The following GBF1 variants were observed in gnomAD, a reference collection of about 807,000 sequenced individuals.
GBF1 encodes the protein golgi brefeldin A resistant guanine nucleotide exchange factor 1.
A neutral mutation model predicts 210.5 loss-of-function variants in GBF1; 114 were observed. The ratio of observed to expected loss-of-function variants is 0.54; its 90% CI spans 0.47 to 0.63. GBF1 has a LOEUF of 0.63. GBF1 is among the 30% of genes least tolerant of loss of function. The pLI is 0.00. For synonymous variants in GBF1, 850 were observed against 889.2 expected, an observed-to-expected ratio of 0.96 and a Z score of 0.78; for missense variants, 1,851 against 2,357.7, an observed-to-expected ratio of 0.79 and a Z score of 4.45.
chr10:102,248,320 TTAAC>T (rs376599791), intron 1 of GBF1, among the ~76,000 whole-genome samples: 30 of 152,280 alleles, frequency 2.0e-4, no homozygotes, highest in African/African-American at 6.5e-4. Context: ...CTGCAGTTGT[TTAAC>T]TAAATGAAAA....
chr10:102,272,705 G>A (rs888691888), intron 3 of GBF1, among the ~76,000 whole-genome samples: 5 of 152,098 alleles, frequency 3.3e-5, no homozygotes, highest in Non-Finnish European at 7.3e-5. Flanking sequence ...TCAACTGGAG[G>A]ATAAACCAAT....
intron 3 of GBF1, among the ~76,000 whole-genome samples, chr10:102,320,107 C>A (rs988969822): frequency 1.3e-5 from 2 of 152,000 alleles, no homozygotes; most frequent in African/African-American, 2.4e-5. Flanking sequence ...GGAAAGGACA[C>A]CTGGGGATGT....
At chr10:102,298,000 T>C (rs2077043185) in intron 3 of GBF1, among the ~76,000 whole-genome samples, 1 of 152,140 alleles carries the variant, frequency 6.6e-6, no homozygotes, top group South Asian at 2.1e-4. Context: ...AGTGGTGCAA[T>C]CTCAGCTCAC....
chr10:102,260,892 T>G (rs989949921), intron 3 of GBF1, among the ~76,000 whole-genome samples: 16 of 152,320 alleles, frequency 1.1e-4, no homozygotes, highest in African/African-American at 3.4e-4. Context: ...TCTTCATGTG[T>G]TCTAGAATCA....
At chr10:102,255,839 G>A (rs560385235) in intron 1 of GBF1, among the ~76,000 whole-genome samples, 1 of 152,318 alleles carries the variant, frequency 6.6e-6, no homozygotes, top group South Asian at 2.1e-4. Context: ...TAGAGCATTT[G>A]GAAAGCAGAT....
intron 1 of GBF1, among the ~76,000 whole-genome samples, chr10:102,248,558 C>A (rs2071116936): frequency 6.6e-6 from 1 of 152,000 alleles, no homozygotes; most frequent in Non-Finnish European, 1.5e-5. Flanking sequence ...TTAATTGAGT[C>A]CCATGGGAAT....
At chr10:102,247,697 A>G (rs559880032) in intron 1 of GBF1, among the ~76,000 whole-genome samples, 3 of 152,076 alleles carry the variant, frequency 2.0e-5, no homozygotes, top group Non-Finnish European at 2.9e-5. Flanking sequence ...AATTTTCTAG[A>G]TAGGAATAAT....
intron 29 of GBF1, among the ~76,000 whole-genome samples, chr10:102,372,920 C>T (rs2060289119): frequency 6.6e-6 from 1 of 152,168 alleles, no homozygotes; most frequent in African/African-American, 2.4e-5. Context: ...CTGGATGGAA[C>T]AGATCCGGGG....
At chr10:102,236,762 A>G in the GBF1 span, among the ~76,000 whole-genome samples, 63 of 152,336 alleles carry the variant, frequency 4.1e-4, 1 homozygote, top group South Asian at 4.1e-4. Flanking sequence ...CGGTTGCAAT[A>G]ATAATGCCTG....
chr10:102,367,237 AG>A (rs779264690), intron 20 of GBF1, 27 bp downstream of exon 20: 1 of 1,611,446 alleles, frequency 6.2e-7, no homozygotes, highest in Admixed American at 1.7e-5. Flanking sequence ...GTCAAGGCAA[AG>A]AAGACCCAGC....
chr10:102,319,087 G>A (rs2056133562), intron 3 of GBF1, among the ~76,000 whole-genome samples: 2 of 152,168 alleles, frequency 1.3e-5, no homozygotes, highest in Admixed American at 6.5e-5. Flanking sequence ...GGAGGCTAAG[G>A]CAGATGGATC....
chr10:102,305,582 G>T (rs1041100719), intron 3 of GBF1, among the ~76,000 whole-genome samples: 2 of 151,846 alleles, frequency 1.3e-5, no homozygotes, highest in African/African-American at 4.8e-5. Context: ...TGCACTCCAG[G>T]CTGGGCAACA....
intron 33 of GBF1, among the ~76,000 whole-genome samples, chr10:102,378,762 C>T (rs2060661830): frequency 6.6e-6 from 1 of 152,052 alleles, no homozygotes; most frequent in Non-Finnish European, 1.5e-5. Context: ...GGCAAAACCC[C>T]ATCTCTACAA....
In GBF1 at chr10:102,352,452, G is replaced by A. The variant is rs370884408; in HGVS notation, c.524-6G>A. 26 of 1,600,632 alleles carry A rather than the reference G, an allele frequency of 1.6e-5. No homozygotes were observed. Among genetic ancestry groups the A allele is most frequent in the East Asian group, 1.1e-4 (5 of 44,832 alleles). On this transcript the variant is annotated splice_region_variant and splice_polypyrimidine_tract_variant and intron_variant, in intron 6 of 39. Coordinates refer to ENST00000369983, the MANE Select transcript of GBF1 (RefSeq NM_001377137.1). Reference sequence around the variant, plus strand: ...ACACCTGTGTTATTTGTTTTTGCCTGTGCAGAGTTATTGAGAAAATCCGCA... The same window carrying A: ...ACACCTGTGTTATTTGTTTTTGCCTATGCAGAGTTATTGAGAAAATCCGCA...
At chr10:102,327,973 C>A (rs1031892289) in intron 3 of GBF1, among the ~76,000 whole-genome samples, 7 of 152,192 alleles carry the variant, frequency 4.6e-5, no homozygotes, top group Admixed American at 4.6e-4. Flanking sequence ...ACCTTTCGAG[C>A]AAATAAGGTG....
intron 4 of GBF1, 33 bp from the exon 5 acceptor site, chr10:102,351,223 C>T (rs369134717): frequency 4.8e-5 from 56 of 1,171,170 alleles, no homozygotes; most frequent in Non-Finnish European, 6.8e-5. Flanking sequence ...CTCCTCTCCA[C>T]ATCACTTAAT....
intron 3 of GBF1, among the ~76,000 whole-genome samples, chr10:102,288,727 AAAAAAAAAC>A (rs1319176506): frequency 4.8e-5 from 7 of 145,248 alleles, no homozygotes; most frequent in East Asian, 4.2e-4. Context: ...CAAAGGAAAA[AAAAAAAAAC>A]AAAAAAAAAA....
intron 6 of GBF1, 58 bp from the exon 7 acceptor site, chr10:102,352,400 C>T (rs939559819): frequency 1.3e-5 from 15 of 1,181,300 alleles, no homozygotes; most frequent in Admixed American, 1.7e-5. Context: ...TCTGAGAACC[C>T]TCTTGATAAT....
chr10:102,286,837 C>T (rs1485258670), intron 3 of GBF1, among the ~76,000 whole-genome samples: 1 of 151,064 alleles, frequency 6.6e-6, no homozygotes, highest in Non-Finnish European at 1.5e-5. Flanking sequence ...AACTTTAACC[C>T]CTTGACTGCT....
Sources: allele counts gnomAD v4.1 joint callset (sites outside exome capture counted in the v4.1 genomes callset), GRCh38; gene constraint gnomAD v4.1.1; transcripts MANE v1.5; gene names NCBI Gene and HGNC (gene_info 2026-07-23, HGNC 2026-07-21).